Variants in KIF3A observed in about 807,000 individuals in gnomAD.
KIF3A encodes kinesin family member 3A.
A neutral mutation model predicts 92.6 loss-of-function variants in KIF3A; 27 were observed. That is an observed-to-expected ratio of 0.29 (90% CI 0.21 to 0.40). The LOEUF is 0.40. KIF3A is among the 10% of genes least tolerant of loss of function. KIF3A has a pLI of 1.00. For missense variants in KIF3A, 581 were observed against 872.6 expected (o/e 0.67, Z 4.21); for synonymous variants, 250 against 275.4 (o/e 0.91, Z 0.92).
chr5:132,710,582 C>T (rs138915440), intron 9 of KIF3A, among the ~76,000 whole-genome samples: 742 of 152,340 alleles, frequency 4.9e-3, no homozygotes, highest in African/African-American at 6.6e-3. Context: ...CGCCACTGCA[C>T]TCCAGCCTGG....
chr5:132,702,307 G>A, intron 14 of KIF3A, 95 bp from the exon 15 acceptor site: 2 of 1,203,046 alleles, frequency 1.7e-6, no homozygotes, highest in Non-Finnish European at 2.4e-6. Context: ...GAAACCTTGT[G>A]AGAGCTTACC....
In KIF3A at chr5:132,734,327, G is replaced by C. The variant is rs202001696; in HGVS notation, c.158C>G (p.Ser53Cys). 3.5e-5 allele frequency: 56 copies of C among 1,613,990 alleles called. No individual in the cohort carries two copies. The highest frequency in any genetic ancestry group is 4.4e-5 in the Non-Finnish European group (52 of 1,180,016). The change falls in exon 2 of 19, where the codon TCT becomes TGT. Residue 53 changes from serine (S) to cysteine (C), a missense_variant. Around this residue, in one of 5 missense-constraint regions of KIF3A, gnomAD observed 217 missense variants for 299.7 expected, o/e 0.72. Transcript: ENST00000403231. ...AAATGTCTTTGGAGGTTCATTGGAA[G>C]AATCAGTCTTATGTACAGTGATAGT... is the stretch of plus-strand genomic sequence containing the variant. ...RGTITVHKTD[S>C]SNEPPKTFTF... is the part of the protein sequence containing the mutation.
At chr5:132,737,206 T>C (rs1008336771) in intron 1 of KIF3A, among the ~76,000 whole-genome samples, 3 of 152,222 alleles carry the variant, frequency 2.0e-5, no homozygotes, top group East Asian at 1.9e-4. Flanking sequence ...CGGCAGGGCC[T>C]GACCCCAGGT....
chr5:132,716,047 G>A (rs1012471122), intron 7 of KIF3A, 116 bp from the exon 8 acceptor site: 10 of 877,162 alleles, frequency 1.1e-5, no homozygotes, highest in South Asian at 1.8e-5. Flanking sequence ...TGGCCTTCTC[G>A]AAAATGAGAG....
chr5:132,706,419 T>C, intron 11 of KIF3A, 32 bp downstream of exon 11: 1 of 1,495,690 alleles, frequency 6.7e-7, no homozygotes, highest in Non-Finnish European at 9.0e-7. Context: ...TAAATAATTG[T>C]ACCATGTGGA....
At chr5:132,716,814 G>A in intron 6 of KIF3A, 31 bp downstream of exon 6, 3 of 1,602,580 alleles carry the variant, frequency 1.9e-6, no homozygotes, top group Non-Finnish European at 1.7e-6. Context: ...ACAAGAAAGA[G>A]TTATTCCTTA....
At chr5:132,710,823 AG>A in intron 9 of KIF3A, 135 bp downstream of exon 9, 1 of 1,158,908 alleles carries the variant, frequency 8.6e-7, no homozygotes, top group Non-Finnish European at 1.2e-6. Flanking sequence ...AAAGTTAACC[AG>A]GTAAATGGCA....
intron 2 of KIF3A, among the ~76,000 whole-genome samples, chr5:132,728,693 C>T (rs943915061): frequency 1.3e-5 from 2 of 151,960 alleles, no homozygotes; most frequent in South Asian, 4.1e-4. Context: ...GCCAAGATCG[C>T]ACCATTGCAC....
intron 12 of KIF3A, 81 bp downstream of exon 12, chr5:132,703,382 T>C: frequency 8.2e-7 from 1 of 1,223,054 alleles, no homozygotes; most frequent in Non-Finnish European, 1.2e-6. Flanking sequence ...TTTTAATTAC[T>C]ATTCAATTTT....
intron 5 of KIF3A, among the ~76,000 whole-genome samples, chr5:132,719,510 T>TC (rs1330894959): frequency 1.3e-5 from 2 of 150,850 alleles, no homozygotes; most frequent in Admixed American, 1.3e-4. Flanking sequence ...CTTTTTTTCT[T>TC]TTTTTTTTGG....
In KIF3A at chr5:132,726,401, T is replaced by C; in HGVS notation, c.378A>G (p.Ser126=). 6.2e-7 allele frequency: 1 copy of C among 1,613,804 alleles called. No homozygotes were observed. Among genetic ancestry groups the C allele is most frequent in the South Asian group, 1.1e-5 (1 of 91,058 alleles). The change falls in exon 3 of 19, where the codon TCA becomes TCG. Residue 126 remains serine, a synonymous_variant. Transcript: ENST00000403231. The part of the protein sequence containing the change: ...IPELRGIIPN[S]FAHIFGHIAK... ...CAATATGACCAAATATGTGAGCAAA[T>C]GAATTGGGAATTATTCCTCTAAGTT...
In KIF3A at chr5:132,737,478, G is replaced by T. The variant is rs981730495; in HGVS notation, c.-59C>A. On this transcript the variant is annotated 5_prime_UTR_variant, in exon 1 of 19. Coordinates refer to ENST00000403231, the MANE Select transcript of KIF3A (RefSeq NM_001300791.2). ...GCCCGGGGTGCAGCCCAGCGACACC[G>T]GGTGCGCAGAAAGGATGGCCAGAGA... The T allele has an allele frequency of 1.9e-6, 3 of 1,588,050 alleles. No homozygotes were observed. In the African/African-American group the frequency reaches 4.1e-5, roughly 22 times the overall value.
intron 1 of KIF3A, among the ~76,000 whole-genome samples, chr5:132,736,181 G>A (rs889487202): frequency 2.0e-5 from 3 of 152,196 alleles, no homozygotes; most frequent in Non-Finnish European, 4.4e-5. Flanking sequence ...TACACCAGAG[G>A]TTGCAAACAG....
Position 132,716,805 on chromosome 5 carries a change from CAAGA to C in KIF3A, c.756+36_756+39del, listed in dbSNP as rs756913517. On this transcript the variant is annotated intron_variant, in intron 6 of 18. Coordinates refer to ENST00000403231, the MANE Select transcript of KIF3A (RefSeq NM_001300791.2). ...ATTCATTTATAAAATAAATGGATCA[CAAGA>C]AAGAGTTATTCCTTAAGCAGTGTCC... 23 of 1,592,628 alleles carry C rather than the reference CAAGA, an allele frequency of 1.4e-5. No individual in the cohort carries two copies. In the South Asian group the frequency reaches 2.1e-4, roughly 14 times the overall value.
intron 1 of KIF3A, 128 bp downstream of exon 1, chr5:132,737,286 G>T (rs544130202): frequency 1.9e-6 from 2 of 1,070,382 alleles, no homozygotes; most frequent in African/African-American, 1.7e-5. Context: ...CACCTCCACC[G>T]CACGACCGAG....
intron 4 of KIF3A, 99 bp downstream of exon 4, chr5:132,726,029 T>C: frequency 2.6e-6 from 2 of 779,048 alleles, no homozygotes; most frequent in Non-Finnish European, 4.1e-6. Flanking sequence ...ATTTAAAATA[T>C]AAAAAGCAAC....
intron 12 of KIF3A, 135 bp from the exon 13 acceptor site, chr5:132,703,200 AC>A: frequency 1.3e-6 from 1 of 754,786 alleles, no homozygotes; most frequent in Non-Finnish European, 2.1e-6. Context: ...GCCAAATTAC[AC>A]CACTGTGTAG....
chr5:132,699,560 C>CTT (rs763198565), intron 17 of KIF3A: 1,352 of 419,522 alleles, frequency 3.2e-3, no homozygotes, highest in South Asian at 6.5e-3. Flanking sequence ...TCTTCTTCTT[C>CTT]TTTTTTTTTT....
downstream of KIF3A, chr5:132,689,830 C>T (rs1038742728): frequency 6.6e-6 from 1 of 152,146 alleles, no homozygotes; most frequent in African/African-American, 2.4e-5. Context: ...ATGTTCTACA[C>T]ACAGGTAAGA....
Sources: allele counts gnomAD v4.1 joint callset (sites outside exome capture counted in the v4.1 genomes callset), GRCh38; gene constraint gnomAD v4.1.1; regional missense constraint gnomAD v4.1.1; transcripts MANE v1.5; gene names NCBI Gene and HGNC (gene_info 2026-07-23, HGNC 2026-07-21).